Variants in NRXN3 observed in about 807,000 individuals in gnomAD.
The protein encoded by NRXN3 is neurexin III.
In NRXN3, 32 loss-of-function variants were observed where a neutral mutation model predicts 137.6. That is an observed-to-expected ratio of 0.23 (90% confidence interval 0.18 to 0.31). The LOEUF is 0.31. NRXN3 is among the 10% of genes least tolerant of loss of function. The pLI, the probability that NRXN3 is intolerant of heterozygous loss-of-function variation, is 1.00. For synonymous variants in NRXN3, 798 were observed against 784.5 expected (o/e 1.02, Z -0.29); for missense variants, 1,574 against 2,062.5 (o/e 0.76, Z 4.59).
intron 19 of NRXN3, among the ~76,000 whole-genome samples, chr14:79,751,034 G>A (rs1277023497): frequency 6.6e-6 from 1 of 152,056 alleles, no homozygotes; most frequent in Admixed American, 6.6e-5. Context: ...TTTTGGCTTA[G>A]GATTGACTTG....
At chr14:78,861,475 A>G (rs954696329) in intron 10 of NRXN3, among the ~76,000 whole-genome samples, 2 of 152,130 alleles carry the variant, frequency 1.3e-5, no homozygotes, top group African/African-American at 4.8e-5. Flanking sequence ...ACACCTTCTC[A>G]GAGTTTCCTC....
At chr14:78,928,496 T>G (rs1311434229) in intron 10 of NRXN3, among the ~76,000 whole-genome samples, 1 of 152,128 alleles carries the variant, frequency 6.6e-6, no homozygotes, top group Admixed American at 6.6e-5. Flanking sequence ...TTCCCCTTCC[T>G]GTGTCCATGT....
intron 6 of NRXN3, among the ~76,000 whole-genome samples, chr14:78,677,316 C>A (rs117165433): frequency 0.03 from 4,517 of 151,976 alleles, 96 homozygotes; most frequent in Middle Eastern, 0.082. Flanking sequence ...TTGATTCCAG[C>A]TCTCATGGAT....
intron 15 of NRXN3, among the ~76,000 whole-genome samples, chr14:79,100,699 C>G (rs192715433): frequency 6.6e-6 from 1 of 152,286 alleles, no homozygotes; most frequent in Admixed American, 6.5e-5. Context: ...CCCCATGGGA[C>G]TTGATGATAG....
At chr14:78,237,020 T>C (rs1197213846) in intron 1 of NRXN3, among the ~76,000 whole-genome samples, 1 of 152,190 alleles carries the variant, frequency 6.6e-6, no homozygotes, top group Non-Finnish European at 1.5e-5. Flanking sequence ...GGAGCACATT[T>C]CTGAGGTTCT....
chr14:78,450,924 T>C (rs1051259013), intron 4 of NRXN3, among the ~76,000 whole-genome samples: 1 of 152,058 alleles, frequency 6.6e-6, no homozygotes, highest in African/African-American at 2.4e-5. Context: ...TGTGTGTGTG[T>C]GTGTGTGAGT....
chr14:79,150,693 A>G (rs1179024797), intron 15 of NRXN3, among the ~76,000 whole-genome samples: 2 of 120,154 alleles, frequency 1.7e-5, no homozygotes, highest in Non-Finnish European at 3.4e-5. Context: ...GATACCATTA[A>G]CCCAATTAGA....
chr14:78,552,667 C>T (rs1566727583), intron 4 of NRXN3, among the ~76,000 whole-genome samples: 1 of 151,714 alleles, frequency 6.6e-6, no homozygotes, highest in Non-Finnish European at 1.5e-5. Flanking sequence ...TCTCTGTCTC[C>T]AATAAATAAA....
intron 16 of NRXN3, among the ~76,000 whole-genome samples, chr14:79,567,148 C>A (rs139203527): frequency 6.6e-6 from 1 of 151,886 alleles, no homozygotes; most frequent in East Asian, 1.9e-4. Flanking sequence ...TGTTCTCTGG[C>A]AATTTGTTTA....
intron 10 of NRXN3, among the ~76,000 whole-genome samples, chr14:78,930,546 G>A (rs560653649): frequency 2.2e-4 from 33 of 152,326 alleles, no homozygotes; most frequent in African/African-American, 7.5e-4. Flanking sequence ...ATTACAGCAC[G>A]AAGTGCTACT....
At chr14:79,307,234 C>G (rs934319340) in intron 15 of NRXN3, among the ~76,000 whole-genome samples, 1 of 152,090 alleles carries the variant, frequency 6.6e-6, no homozygotes, top group African/African-American at 2.4e-5. Flanking sequence ...ATAAGTTACT[C>G]TAGGTCCCAT....
At position 78,714,937 on chromosome 14, in the gene NRXN3, A is replaced by C. The variant is rs895182493; in HGVS notation, c.1842A>C (p.Leu614=). 5.6e-6 allele frequency: 9 copies of C among 1,613,990 alleles called. No homozygotes were observed. The highest frequency in any genetic ancestry group is 7.6e-6 in the Non-Finnish European group (9 of 1,180,026). Reference sequence around the variant, plus strand: ...GCTACGTGGGCTGCATCCGCGACCTATTCATTGATGGGCGCAGCAAGAACA... The same window carrying C: ...GCTACGTGGGCTGCATCCGCGACCTCTTCATTGATGGGCGCAGCAAGAACA... ...NYGYVGCIRD[L]FIDGRSKNIR... is the part of the protein sequence containing the mutation. The change falls in exon 8 of 21, where the codon CTA becomes CTC. Residue 614 remains leucine (L), a synonymous_variant. Coordinates refer to ENST00000335750, the MANE Select transcript of NRXN3 (RefSeq NM_001330195.2).
intron 20 of NRXN3, among the ~76,000 whole-genome samples, chr14:79,827,668 A>G (rs2099309240): frequency 6.7e-6 from 1 of 150,344 alleles, no homozygotes; most frequent in Non-Finnish European, 1.5e-5. Flanking sequence ...AGCAGGAACA[A>G]GCAGGGGTGG....
At chr14:78,285,014 G>C (rs2074979195) in intron 3 of NRXN3, among the ~76,000 whole-genome samples, 1 of 152,214 alleles carries the variant, frequency 6.6e-6, no homozygotes. Context: ...CTGCTTGGTA[G>C]TTCTGCCACT....
At chr14:79,007,008 A>G (rs2099554415) in intron 15 of NRXN3, among the ~76,000 whole-genome samples, 1 of 152,142 alleles carries the variant, frequency 6.6e-6, no homozygotes, top group African/African-American at 2.4e-5. Flanking sequence ...CGTCAATTTG[A>G]TATATGTGCA....
chr14:78,338,175 G>C (rs905038944), intron 4 of NRXN3, among the ~76,000 whole-genome samples: 1 of 152,162 alleles, frequency 6.6e-6, no homozygotes, highest in Non-Finnish European at 1.5e-5. Context: ...TGCCCTTGAT[G>C]CTGTATCTCT....
intron 4 of NRXN3, among the ~76,000 whole-genome samples, chr14:78,311,877 T>C (rs1250137063): frequency 6.6e-6 from 1 of 152,182 alleles, no homozygotes; most frequent in East Asian, 1.9e-4. Flanking sequence ...TAGAAGCATA[T>C]AATTTCAGAG....
chr14:79,716,166 C>A (rs2098823037), intron 19 of NRXN3, among the ~76,000 whole-genome samples: 1 of 152,186 alleles, frequency 6.6e-6, no homozygotes, highest in South Asian at 2.1e-4. Context: ...CAGTCTGAAC[C>A]CTACCTCTGT....
intron 15 of NRXN3, among the ~76,000 whole-genome samples, chr14:79,186,083 A>G (rs1243543979): frequency 6.6e-6 from 1 of 152,140 alleles, no homozygotes; most frequent in East Asian, 1.9e-4. Flanking sequence ...AGGGTTTCTG[A>G]GTGGATAAAA....
Sources: allele counts gnomAD v4.1 joint callset (sites outside exome capture counted in the v4.1 genomes callset), GRCh38; gene constraint gnomAD v4.1.1; transcripts MANE v1.5; gene names NCBI Gene and HGNC (gene_info 2026-07-23, HGNC 2026-07-21).